The following SPTLC1 variants were observed in gnomAD, a reference collection of about 807,000 sequenced individuals.
The protein encoded by SPTLC1 is serine palmitoyltransferase long chain base subunit 1.
In SPTLC1, 55 loss-of-function variants were observed where a neutral mutation model predicts 68.9. That is an observed-to-expected ratio of 0.80 (90% CI 0.64 to 1.00). The LOEUF (loss-of-function observed/expected upper bound fraction) is 1.00, where lower values mean the gene tolerates loss of function less well. Ranked by LOEUF, SPTLC1 falls within the 50% of genes least tolerant of loss-of-function variation. The probability of loss-of-function intolerance (pLI) is 0.00; values close to 1 mark genes in which losing one functional copy is unlikely to be tolerated. For missense variants in SPTLC1, 449 were observed against 573.1 expected (o/e 0.78, Z 2.21); for synonymous variants, 197 against 201.6 (o/e 0.98, Z 0.19).
chr9:92,082,337 C>A (rs1372278125), intron 3 of SPTLC1, among the ~76,000 whole-genome samples: 1 of 151,146 alleles, frequency 6.6e-6, no homozygotes, highest in Non-Finnish European at 1.5e-5. Flanking sequence ...TGTGCTGCAC[C>A]CATTAACTTG....
At chr9:92,062,484 CACCATCA>C (rs1297737127) in intron 6 of SPTLC1, among the ~76,000 whole-genome samples, 5 of 152,096 alleles carry the variant, frequency 3.3e-5, no homozygotes, top group Non-Finnish European at 5.9e-5. Context: ...AACCCAAAAA[CACCATCA>C]ACCAAAAAGA....
intron 6 of SPTLC1, among the ~76,000 whole-genome samples, chr9:92,066,334 T>C (rs549404152): frequency 6.6e-6 from 1 of 152,136 alleles, no homozygotes; most frequent in South Asian, 2.1e-4. Context: ...GAACAATAAA[T>C]TCTCTCTGGC....
chr9:92,036,544 G>C (rs1436832498), intron 13 of SPTLC1, among the ~76,000 whole-genome samples: 1 of 152,236 alleles, frequency 6.6e-6, no homozygotes, highest in Non-Finnish European at 1.5e-5. Context: ...AGTTCGAGAA[G>C]AGACTCAGTG....
At chr9:92,045,524 TAAAAAAAAAAAAAAA>T (rs71362367) in intron 12 of SPTLC1, among the ~76,000 whole-genome samples, 3 of 31,638 alleles carry the variant, frequency 9.5e-5, no homozygotes, top group African/African-American at 2.2e-4. Flanking sequence ...TCTTGTGTAG[TAAAAAAAAAAAAAAA>T]AAAAAAAAAA....
chr9:92,112,510 C>G lies in SPTLC1; in HGVS notation c.110G>C (p.Arg37Thr), dbSNP rs778383527. Residue 37 changes from arginine (R) to threonine (T), a missense_variant, in exon 2 of 15, where the codon AGA becomes ACA. Around this residue, in one of 3 missense-constraint regions of SPTLC1, gnomAD observed 46 missense variants for 57.8 expected, o/e 0.80. Coordinates refer to ENST00000262554, the MANE Select transcript of SPTLC1 (RefSeq NM_006415.4). ...LEGILILWII[R>T]LLFSKTYKLQ... ...TTTGTAAGTCTTAGAGAAAAGAAGT[C>G]TGATTATCCAGAGGATCAGAATCCC... 5 of 1,611,050 alleles carry G rather than the reference C, an allele frequency of 3.1e-6. No individual in the cohort carries two copies. The highest frequency in any genetic ancestry group is 3.3e-5 in the Admixed American group (2 of 59,994).
chr9:92,094,206 CCAAAGA>C (rs1181484553), intron 3 of SPTLC1, among the ~76,000 whole-genome samples: 3 of 152,068 alleles, frequency 2.0e-5, no homozygotes, highest in Non-Finnish European at 4.4e-5. Context: ...ACGAAAGATA[CCAAAGA>C]CAAAGTTAAC....
chr9:92,045,946 G>A (rs1833498728), intron 12 of SPTLC1, 53 bp downstream of exon 12: 1 of 1,516,554 alleles, frequency 6.6e-7, no homozygotes, highest in Non-Finnish European at 9.1e-7. Context: ...TCCATTAGTT[G>A]TTAAGTGTGG....
chr9:92,041,913 A>T (rs529011391), intron 12 of SPTLC1, among the ~76,000 whole-genome samples: 1 of 152,302 alleles, frequency 6.6e-6, no homozygotes, highest in Admixed American at 6.5e-5. Flanking sequence ...TTATGATTTT[A>T]AAAAAAGGCC....
At chr9:92,114,985 C>A (rs1257829231) in intron 1 of SPTLC1, 3 of 439,804 alleles carry the variant, frequency 6.8e-6, no homozygotes, top group Non-Finnish European at 1.3e-5. Flanking sequence ...CTCATTTTCA[C>A]CACTCCGTTT....
chr9:92,039,400 A>C (rs1401270171), intron 12 of SPTLC1, among the ~76,000 whole-genome samples: 1 of 150,732 alleles, frequency 6.6e-6, no homozygotes, highest in Non-Finnish European at 1.5e-5. Context: ...CTGCCATGAG[A>C]TGCTATGTCA....
chr9:92,100,027 C>T (rs1382003534), intron 3 of SPTLC1, among the ~76,000 whole-genome samples: 1 of 150,666 alleles, frequency 6.6e-6, no homozygotes, highest in Non-Finnish European at 1.5e-5. Context: ...AACGTATCTA[C>T]GTCATTAAGT....
At chr9:92,073,225 C>G (rs1422858212) in intron 5 of SPTLC1, among the ~76,000 whole-genome samples, 1 of 152,194 alleles carries the variant, frequency 6.6e-6, no homozygotes, top group Non-Finnish European at 1.5e-5. Context: ...CCGTCAGACC[C>G]TACTCAAATA....
chr9:92,076,368 G>C (rs1488668854), intron 5 of SPTLC1, among the ~76,000 whole-genome samples: 1 of 152,104 alleles, frequency 6.6e-6, no homozygotes, highest in Non-Finnish European at 1.5e-5. Context: ...AACAGCCAAA[G>C]AAACAGCAAA....
intron 6 of SPTLC1, among the ~76,000 whole-genome samples, chr9:92,063,641 A>C (rs530891251): frequency 6.6e-6 from 1 of 152,242 alleles, no homozygotes; most frequent in African/African-American, 2.4e-5. Flanking sequence ...CTTTTTATAA[A>C]AAAAAAATTA....
intron 6 of SPTLC1, among the ~76,000 whole-genome samples, chr9:92,062,792 G>A (rs1341172940): frequency 6.6e-6 from 1 of 152,012 alleles, no homozygotes; most frequent in Non-Finnish European, 1.5e-5. Flanking sequence ...GCAAAATAAT[G>A]ACACCCTATT....
At chr9:92,069,050 C>A in intron 5 of SPTLC1, among the ~76,000 whole-genome samples, 1 of 152,072 alleles carries the variant, frequency 6.6e-6, no homozygotes, top group East Asian at 1.9e-4. Context: ...CCCCTCCAGT[C>A]TTAGAGCGCT....
At chr9:92,049,138 C>A (rs370146496) in intron 9 of SPTLC1, among the ~76,000 whole-genome samples, 1 of 152,298 alleles carries the variant, frequency 6.6e-6, no homozygotes, top group East Asian at 1.9e-4. Context: ...CATCCAACCT[C>A]CCGGGATATT....
At chr9:92,078,105 A>C (rs146630891) in intron 5 of SPTLC1, among the ~76,000 whole-genome samples, 2 of 152,136 alleles carry the variant, frequency 1.3e-5, no homozygotes, top group Admixed American at 1.3e-4. Context: ...ACCTCTTTCA[A>C]TGATCCCCAC....
At chr9:92,066,590 T>C (rs1834292155) in intron 6 of SPTLC1, among the ~76,000 whole-genome samples, 1 of 152,196 alleles carries the variant, frequency 6.6e-6, no homozygotes, top group Non-Finnish European at 1.5e-5. Flanking sequence ...GAAAAAGTGA[T>C]GCAGAGCTCA....
Sources: allele counts gnomAD v4.1 joint callset (sites outside exome capture counted in the v4.1 genomes callset), GRCh38; gene constraint gnomAD v4.1.1; regional missense constraint gnomAD v4.1.1; transcripts MANE v1.5; gene names NCBI Gene and HGNC (gene_info 2026-07-23, HGNC 2026-07-21).